The following CBL variants were observed in gnomAD, a reference collection of about 807,000 sequenced individuals.
CBL encodes the protein E3 ubiquitin-protein ligase CBL.
In CBL, 45 loss-of-function variants were observed where a neutral mutation model predicts 96.9. The ratio of observed to expected loss-of-function variants is 0.46; its 90% CI spans 0.37 to 0.60. The LOEUF is 0.60. Ranked by LOEUF, CBL falls within the 20% of genes least tolerant of loss-of-function variation. The pLI is 0.00. For synonymous variants in CBL, 420 were observed against 426.8 expected (o/e 0.98, Z 0.20); for missense variants, 1,024 against 1,143.5 (o/e 0.90, Z 1.51).
Position 119,273,901 on chromosome 11 carries a change from T to G in CBL, c.624T>G (p.Ala208=). The G allele has an allele frequency of 6.2e-7, 1 of 1,614,138 alleles. No homozygotes were observed. Among genetic ancestry groups the G allele is most frequent in the South Asian group, 1.1e-5 (1 of 91,086 alleles). The change falls in exon 4 of 16, where the codon GCT becomes GCG. Residue 208 remains alanine (A), a synonymous_variant. Coordinates refer to ENST00000264033, the MANE Select transcript of CBL (RefSeq NM_005188.4). The part of the protein sequence containing the change: ...TIVPWKSFRQ[A]LHEVHPISSG... ...TCCCTTGGAAGAGCTTTCGACAGGC[T>G]CTACATGAAGTGCATCCCATCAGTT...
Position 119,299,887 on chromosome 11 carries a change from CTT to C in CBL, c.*107_*108del. 3.7e-6 allele frequency: 4 copies of C among 1,076,870 alleles called. No homozygotes were observed. Among genetic ancestry groups the C allele is most frequent in the Non-Finnish European group, 2.8e-6 (2 of 703,588 alleles). 66.7% of individuals were successfully genotyped at this position (1,076,870 alleles called of 1,614,324 possible). A position where few individuals can be genotyped will look rare whatever the true frequency, so the allele number is the denominator to read the frequency against. Reference sequence around the variant, plus strand: ...TCCTTTGGTGACTTCACAGTGAAGTCTTGCCCTCTCTGTGGGATATCACATCA... The same window carrying C: ...TCCTTTGGTGACTTCACAGTGAAGTCGCCCTCTCTGTGGGATATCACATCA... On this transcript the variant is annotated 3_prime_UTR_variant, in exon 16 of 16. Coordinates refer to ENST00000264033, the MANE Select transcript of CBL (RefSeq NM_005188.4).
chr11:119,243,515 A>ATT (rs1424819718), intron 2 of CBL, among the ~76,000 whole-genome samples: 12 of 96,748 alleles, frequency 1.2e-4, no homozygotes, highest in Non-Finnish European at 2.0e-4. Context: ...AAAAAAAAAA[A>ATT]TTTTTTTTTT....
At chr11:119,247,678 A>G (rs922295250) in intron 2 of CBL, among the ~76,000 whole-genome samples, 2 of 152,020 alleles carry the variant, frequency 1.3e-5, no homozygotes, top group African/African-American at 4.8e-5. Flanking sequence ...GGGTGTGGTG[A>G]TGGGGGCCTG....
At chr11:119,290,990 C>A (rs1344908716) in intron 12 of CBL, among the ~76,000 whole-genome samples, 1 of 152,082 alleles carries the variant, frequency 6.6e-6, no homozygotes, top group Non-Finnish European at 1.5e-5. Flanking sequence ...AGTGTAGCAT[C>A]TGAACTGAAG....
chr11:119,221,778 A>AG (rs1374403312), intron 1 of CBL, among the ~76,000 whole-genome samples: 2 of 152,132 alleles, frequency 1.3e-5, no homozygotes, highest in African/African-American at 4.8e-5. Flanking sequence ...AAAAAAAAAA[A>AG]AAAAGCTTCA....
Position 119,299,986 on chromosome 11 carries a change from G to C in CBL, c.*205G>C, listed in dbSNP as rs1352038844. ...TATGTTTTATTATTTTATGGGTCTT[G>C]AGTGCATTTGAAGGTGTCCTTCAGT... On this transcript the variant is annotated 3_prime_UTR_variant, in exon 16 of 16. Coordinates refer to ENST00000264033, the MANE Select transcript of CBL (RefSeq NM_005188.4). 1.7e-5 allele frequency: 11 copies of C among 633,666 alleles called. No individual in the cohort carries two copies. Among genetic ancestry groups the C allele is most frequent in the African/African-American group, 3.7e-5 (2 of 54,712 alleles). The allele number at this position is 633,666 out of a possible 1,614,324, so 39.3% of individuals were successfully genotyped here. A position where few individuals can be genotyped will look rare whatever the true frequency, so the allele number is the denominator to read the frequency against.
chr11:119,271,977 C>A, intron 3 of CBL, 96 bp downstream of exon 3: 1 of 1,245,546 alleles, frequency 8.0e-7, no homozygotes, highest in Non-Finnish European at 1.2e-6. Flanking sequence ...AATTTGGGAA[C>A]TCTGAGAAAA....
intron 9 of CBL, among the ~76,000 whole-genome samples, chr11:119,284,693 T>G (rs1317046308): frequency 6.6e-6 from 1 of 152,200 alleles, no homozygotes; most frequent in East Asian, 1.9e-4. Context: ...GGAAACTTTT[T>G]GTAGCCCTGT....
chr11:119,268,914 G>T (rs940509540), intron 2 of CBL, among the ~76,000 whole-genome samples: 1 of 152,178 alleles, frequency 6.6e-6, no homozygotes, highest in Non-Finnish European at 1.5e-5. Context: ...ATACTGTTCA[G>T]CGTAGTTCTT....
At chr11:119,270,434 ATATTTTTTTTTT>A (rs1949836167) in intron 2 of CBL, among the ~76,000 whole-genome samples, 1 of 41,548 alleles carries the variant, frequency 2.4e-5, no homozygotes, top group African/African-American at 1.0e-4. Flanking sequence ...ATATATATAT[ATATTTTTTTTTT>A]TTTTTTTTTT....
At chr11:119,216,503 C>T (rs537754247) in intron 1 of CBL, among the ~76,000 whole-genome samples, 185 of 152,092 alleles carry the variant, frequency 1.2e-3, no homozygotes, top group Middle Eastern at 3.4e-3. Flanking sequence ...TCCCTTGTAG[C>T]TGGGACTACA....
At chr11:119,275,561 AG>A (rs1340785761) in intron 5 of CBL, among the ~76,000 whole-genome samples, 1 of 151,990 alleles carries the variant, frequency 6.6e-6, no homozygotes, top group Non-Finnish European at 1.5e-5. Context: ...ACTGACTTGA[AG>A]CTCAGAAGTA....
intron 1 of CBL, among the ~76,000 whole-genome samples, chr11:119,212,851 A>G (rs1949329140): frequency 6.6e-6 from 1 of 151,858 alleles, no homozygotes; most frequent in Non-Finnish European, 1.5e-5. Flanking sequence ...TCTCTACCAA[A>G]ATACCAAAAT....
chr11:119,264,920 A>G (rs999535489), intron 2 of CBL, among the ~76,000 whole-genome samples: 3 of 152,150 alleles, frequency 2.0e-5, no homozygotes, highest in Non-Finnish European at 4.4e-5. Flanking sequence ...TTCGTCGCCT[A>G]GGCTGGAGTG....
chr11:119,242,804 T>C (rs935417011), intron 2 of CBL, among the ~76,000 whole-genome samples: 48 of 151,816 alleles, frequency 3.2e-4, no homozygotes, highest in Non-Finnish European at 2.6e-4. Context: ...TCTTTTGGCT[T>C]GCAAAAGTGG....
chr11:119,227,741 G>A (rs990701786), intron 1 of CBL, among the ~76,000 whole-genome samples: 2 of 152,010 alleles, frequency 1.3e-5, no homozygotes, highest in Non-Finnish European at 2.9e-5. Flanking sequence ...TTCCAGACAG[G>A]ATTTCTCCAT....
At chr11:119,208,181 A>G (rs1227261836) in intron 1 of CBL, among the ~76,000 whole-genome samples, 1 of 152,192 alleles carries the variant, frequency 6.6e-6, no homozygotes, top group African/African-American at 2.4e-5. Context: ...TAAAAAAAAC[A>G]CATCGAAGAT....
At chr11:119,286,881 A>G (rs1949988370) in intron 11 of CBL, among the ~76,000 whole-genome samples, 1 of 152,220 alleles carries the variant, frequency 6.6e-6, no homozygotes, top group Non-Finnish European at 1.5e-5. Context: ...TAATTGAATA[A>G]CATAGTATGT....
At chr11:119,261,165 T>C (rs1949751128) in intron 2 of CBL, among the ~76,000 whole-genome samples, 1 of 151,902 alleles carries the variant, frequency 6.6e-6, no homozygotes, top group African/African-American at 2.4e-5. Context: ...CCGTCTGCCT[T>C]GGCCTCCCAA....
Sources: gnomAD v4.1 joint callset for allele counts (sites outside exome capture counted in the v4.1 genomes callset) on GRCh38, gnomAD v4.1.1 for gene constraint, MANE v1.5 for transcripts, NCBI Gene and HGNC (gene_info 2026-07-23, HGNC 2026-07-21) for gene names.